Variants in ACOXL observed in about 807,000 individuals in gnomAD.
ACOXL encodes the protein acyl-coenzyme A oxidase-like protein.
ACOXL carries 70 observed loss-of-function variants against 71.9 expected under a neutral mutation model. The ratio of observed to expected loss-of-function variants is 0.97; its 90% CI spans 0.80 to 1.19. The LOEUF is 1.19. Ranked by LOEUF, ACOXL falls within the 50% of genes most tolerant of loss-of-function variation. The pLI, the probability that ACOXL is intolerant of heterozygous loss-of-function variation, is 0.00. For missense variants in ACOXL, 703 were observed against 736.3 expected (o/e 0.95, Z 0.52); for synonymous variants, 253 against 281.6 (o/e 0.90, Z 1.02).
intron 14 of ACOXL, among the ~76,000 whole-genome samples, chr2:110,996,478 A>G (rs1241571520): frequency 2.0e-5 from 3 of 152,176 alleles, no homozygotes; most frequent in South Asian, 2.1e-4. Flanking sequence ...ATCTAGAGGA[A>G]ATTTCCACCA....
intron 13 of ACOXL, 132 bp from the exon 14 acceptor site, chr2:110,995,761 G>T (rs1405980274): frequency 4.8e-6 from 3 of 626,936 alleles, no homozygotes; most frequent in African/African-American, 3.7e-5. Context: ...ATGGGATGGG[G>T]AGATTATGTC....
At chr2:110,908,344 G>A (rs747827582) in intron 10 of ACOXL, among the ~76,000 whole-genome samples, 8 of 152,332 alleles carry the variant, frequency 5.3e-5, no homozygotes, top group South Asian at 2.1e-4. Context: ...TGACCTACCT[G>A]TGAATCTGAC....
At chr2:110,800,133 C>A (rs1305947121) in intron 7 of ACOXL, among the ~76,000 whole-genome samples, 1 of 152,220 alleles carries the variant, frequency 6.6e-6, no homozygotes, top group African/African-American at 2.4e-5. Context: ...TTTCACTCTT[C>A]ACAATAAATC....
intron 14 of ACOXL, chr2:111,016,475 G>T (rs2064441597): frequency 6.6e-6 from 1 of 152,158 alleles, no homozygotes; most frequent in Admixed American, 6.6e-5. Flanking sequence ...ACTTAAACAG[G>T]TCCTCACAGC....
intron 17 of ACOXL, chr2:111,099,771 A>C (rs2069018765): frequency 6.6e-6 from 1 of 152,354 alleles, no homozygotes; most frequent in Non-Finnish European, 1.5e-5. Context: ...ATTTTGCTTC[A>C]GATAATTATC....
At chr2:111,080,506 TTG>T (rs552558699) in intron 16 of ACOXL, among the ~76,000 whole-genome samples, 3 of 152,108 alleles carry the variant, frequency 2.0e-5, no homozygotes, top group South Asian at 4.1e-4. Context: ...TTCCATGTAG[TTG>T]TGTGATTGAG....
chr2:110,793,757 T>C (rs757976348), intron 4 of ACOXL, 21 bp downstream of exon 4: 2 of 1,596,794 alleles, frequency 1.3e-6, no homozygotes, highest in Non-Finnish European at 1.7e-6. Flanking sequence ...TTCCTCAACA[T>C]TGGTCTTCTA....
At chr2:111,002,487 G>A (rs1417233866) in intron 14 of ACOXL, among the ~76,000 whole-genome samples, 1 of 152,150 alleles carries the variant, frequency 6.6e-6, no homozygotes, top group Non-Finnish European at 1.5e-5. Context: ...ATGATTGCAT[G>A]AGGTTCTGAT....
In ACOXL at chr2:110,939,274, TA is replaced by T. The variant is rs202221245; in HGVS notation, c.1059+5634del. Among the ~76,000 whole-genome samples the T allele has an allele frequency of 6.8e-4, 104 of 152,270 alleles. 3 individuals are homozygous for T. In the East Asian group the frequency reaches 0.018, roughly 26 times the overall value. On this transcript the variant is annotated intron_variant, in intron 12 of 17. Transcript: ENST00000439055. The stretch of plus-strand genomic sequence containing the variant: ...GCATTATTTTTATCAATTACAAAAG[TA>T]ATATATATCCATTGTAGAAAGTTTT...
intron 14 of ACOXL, among the ~76,000 whole-genome samples, chr2:111,030,216 T>TAG (rs2065201738): frequency 6.6e-6 from 1 of 152,150 alleles, no homozygotes; most frequent in African/African-American, 2.4e-5. Context: ...GTGGAATGGG[T>TAG]AGAGCTTCAG....
chr2:111,079,954 G>A (rs1473468948), intron 16 of ACOXL, among the ~76,000 whole-genome samples: 1 of 151,788 alleles, frequency 6.6e-6, no homozygotes, highest in African/African-American at 2.4e-5. Flanking sequence ...GTCTTGGGAG[G>A]GTGTATGTGT....
At chr2:110,924,195 G>A (rs1404307056) in intron 11 of ACOXL, among the ~76,000 whole-genome samples, 1 of 152,190 alleles carries the variant, frequency 6.6e-6, no homozygotes, top group African/African-American at 2.4e-5. Context: ...GAGCATCTAA[G>A]CCTTCAGTGA....
rs550896011 is a variant in ACOXL, at chr2:110,743,493, G to A, written c.-23+10719G>A. ...TTCCAAAAATTTACTAATTTTTCCA[G>A]TAACTAACATCATGAAATAAGGGTG... On this transcript the variant is annotated intron_variant, in intron 1 of 17. Coordinates refer to ENST00000439055, the MANE Select transcript of ACOXL (RefSeq NM_001142807.4). 4.6e-5 allele frequency among the ~76,000 whole-genome samples: 7 copies of A among 152,146 alleles called. No individual in the cohort carries two copies. In the East Asian group the frequency reaches 1.3e-3, roughly 29 times the overall value.
At chr2:110,906,393 G>T (rs538950185) in intron 10 of ACOXL, among the ~76,000 whole-genome samples, 8 of 151,868 alleles carry the variant, frequency 5.3e-5, no homozygotes, top group Non-Finnish European at 1.2e-4. Flanking sequence ...CAAAAAATTA[G>T]CTGGGTGTGG....
chr2:110,946,028 A>C (rs188695049), intron 12 of ACOXL, among the ~76,000 whole-genome samples: 14 of 152,238 alleles, frequency 9.2e-5, no homozygotes, highest in African/African-American at 3.1e-4. Context: ...TTCTTTGAGC[A>C]GCGTTTTGTA....
intron 3 of ACOXL, among the ~76,000 whole-genome samples, chr2:110,788,555 G>A (rs531573624): frequency 6.6e-6 from 1 of 151,936 alleles, no homozygotes; most frequent in Admixed American, 6.7e-5. Context: ...TTTGGAAATA[G>A]TGGTGATGGT....
intron 12 of ACOXL, among the ~76,000 whole-genome samples, chr2:110,934,634 C>T (rs368582806): frequency 1.4e-4 from 22 of 152,162 alleles, no homozygotes; most frequent in African/African-American, 5.1e-4. Flanking sequence ...GTGGAGCTAA[C>T]GGATGGCACA....
chr2:110,757,923 T>C (rs1198074871), intron 1 of ACOXL, among the ~76,000 whole-genome samples: 8 of 152,222 alleles, frequency 5.3e-5, no homozygotes, highest in Admixed American at 5.2e-4. Context: ...ATTTTTGCTT[T>C]TGTTGCAGTC....
At chr2:110,858,682 G>A (rs776868189) in intron 10 of ACOXL, among the ~76,000 whole-genome samples, 1 of 152,202 alleles carries the variant, frequency 6.6e-6, no homozygotes, top group East Asian at 1.9e-4. Flanking sequence ...CTGACTCTGG[G>A]CTGCGTTGCA....
Sources: allele counts gnomAD v4.1 joint callset (sites outside exome capture counted in the v4.1 genomes callset), GRCh38; gene constraint gnomAD v4.1.1; transcripts MANE v1.5; gene names NCBI Gene and HGNC (gene_info 2026-07-23, HGNC 2026-07-21).